Variants in CHIC1 observed in about 807,000 individuals in gnomAD.
CHIC1 encodes the protein cysteine-rich hydrophobic domain-containing protein 1.
CHIC1 carries 7 observed loss-of-function variants against 18.5 expected under a neutral mutation model. The ratio of observed to expected loss-of-function variants is 0.38; its 90% CI spans 0.22 to 0.71. The LOEUF is 0.71. Among genes scored for constraint, CHIC1 ranks in the 30% least tolerant of loss-of-function variants. CHIC1 has a pLI of 0.49. For missense variants in CHIC1, 159 were observed against 176.9 expected, an observed-to-expected ratio of 0.90 and a Z score of 0.57; for synonymous variants, 77 against 73.5, an observed-to-expected ratio of 1.05 and a Z score of -0.25.
rs1194559148 is a variant in CHIC1 at position 73,679,697 on chromosome X, G to A, written c.608G>A (p.Ser203Asn). 9.1e-7 allele frequency: 1 copy of A among 1,093,475 alleles called. No individual in the cohort carries two copies. Among genetic ancestry groups the A allele is most frequent in the Non-Finnish European group, 1.2e-6 (1 of 818,591 alleles). 90.1% of individuals were successfully genotyped at this position (1,093,475 alleles called of 1,213,427 possible). The change falls in exon 5 of 6, where the codon AGC (serine) becomes AAC (asparagine). Residue 203 changes from serine (S) to asparagine (N), a missense_variant. Ser to Asn is a conservative substitution (Grantham distance 46, BLOSUM62 1). Coordinates refer to ENST00000373502, the MANE Select transcript of CHIC1 (RefSeq NM_001039840.4). ...TTGACTAAGAGGAAATGTGAAACTA[G>A]CAATATGATGGAGTATGTAAGTATG... ...WKLTKRKCET[S>N]NMMEYVILIE...
chrX:73,563,156 G>GT (rs1374862982), upstream of CHIC1: 1 of 208,414 alleles, frequency 4.8e-6, no homozygotes, highest in Non-Finnish European at 5.9e-6. Flanking sequence ...CCAACACGCA[G>GT]GCGCGTCTCC....
At chrX:73,653,993 CA>C (rs1376885353) in intron 3 of CHIC1, among the ~76,000 whole-genome samples, 1 of 112,226 alleles carries the variant, frequency 8.9e-6, no homozygotes, top group Non-Finnish European at 1.9e-5. Context: ...GCAAATAGGA[CA>C]ATTTTAGTTC....
intron 3 of CHIC1, among the ~76,000 whole-genome samples, chrX:73,653,890 T>C (rs971799622): frequency 8.9e-6 from 1 of 112,691 alleles, no homozygotes; most frequent in African/African-American, 3.2e-5. Flanking sequence ...GCTACTGACA[T>C]TCATGTGTTG....
Position 73,655,809 on chromosome X carries a change from T to A in CHIC1, c.508-23517T>A, listed in dbSNP as rs760995542. 8.2e-5 allele frequency among the ~76,000 whole-genome samples: 9 copies of A among 109,476 alleles called. No homozygotes were observed. In the Admixed American group the frequency reaches 8.8e-4, roughly 11 times the overall value. On this transcript the variant is annotated intron_variant, in intron 3 of 5. Transcript: ENST00000373502. ...TATCTTTATAATAGAATGATTTATA[T>A]TCCTTTGGTATATTCCCAGCAATGG...
At chrX:73,677,147 G>C (rs68013756) in intron 3 of CHIC1, among the ~76,000 whole-genome samples, 5,659 of 111,616 alleles carry the variant, frequency 0.051, 365 homozygotes, top group African/African-American at 0.17. Flanking sequence ...CCCCTACTGG[G>C]GTGTGCCTCC....
At chrX:73,594,175 T>C (rs748008389) in intron 3 of CHIC1, among the ~76,000 whole-genome samples, 4 of 110,300 alleles carry the variant, frequency 3.6e-5, no homozygotes, top group Non-Finnish European at 7.6e-5. Context: ...TGTTTTGTTT[T>C]GTTTTGTTTT....
chrX:73,625,492 G>T (rs1009536248), intron 3 of CHIC1, among the ~76,000 whole-genome samples: 27 of 111,366 alleles, frequency 2.4e-4, no homozygotes, highest in Non-Finnish European at 2.1e-4. Flanking sequence ...TTAATCAAAA[G>T]TTCAGGCAGC....
intron 3 of CHIC1, among the ~76,000 whole-genome samples, chrX:73,653,795 A>G (rs2057929357): frequency 8.9e-6 from 1 of 111,970 alleles, no homozygotes; most frequent in African/African-American, 3.2e-5. Flanking sequence ...GAGTAAATCT[A>G]TTCCTAAAAA....
At chrX:73,627,219 CT>C (rs1239324150) in intron 3 of CHIC1, among the ~76,000 whole-genome samples, 1 of 111,863 alleles carries the variant, frequency 8.9e-6, no homozygotes, top group Non-Finnish European at 1.9e-5. Flanking sequence ...ATAAGCACCC[CT>C]GTGGCCACCA....
At chrX:73,638,804 T>C (rs1025324118) in intron 3 of CHIC1, among the ~76,000 whole-genome samples, 2 of 111,604 alleles carry the variant, frequency 1.8e-5, no homozygotes, top group Admixed American at 1.9e-4. Context: ...CCTGTGTTAG[T>C]TTGCTTAGGA....
chrX:73,597,504 T>C (rs942605156), intron 3 of CHIC1, among the ~76,000 whole-genome samples: 1 of 108,862 alleles, frequency 9.2e-6, no homozygotes, highest in Non-Finnish European at 1.9e-5. Flanking sequence ...ATTAAACTAG[T>C]TTTCTTTTCT....
intron 3 of CHIC1, among the ~76,000 whole-genome samples, chrX:73,603,516 G>A (rs2057662662): frequency 9.3e-6 from 1 of 107,795 alleles, no homozygotes; most frequent in Non-Finnish European, 1.9e-5. Flanking sequence ...TGATTGCCCT[G>A]GCCAGAATTT....
chrX:73,647,846 C>A (rs542678194), intron 3 of CHIC1, among the ~76,000 whole-genome samples: 1 of 112,197 alleles, frequency 8.9e-6, no homozygotes. Context: ...GAGGTACATC[C>A]CCTCCACCAA....
rs767637443 is a variant in CHIC1, at chrX:73,576,289, A to G, written c.297-1118A>G. 6.3e-5 allele frequency among the ~76,000 whole-genome samples: 7 copies of G among 110,856 alleles called. No homozygotes were observed. In the East Asian group the frequency reaches 2.0e-3, roughly 31 times the overall value. On this transcript the variant is annotated intron_variant, in intron 1 of 5. Transcript: ENST00000373502. ...TAACGGTCATTTGTTATCATCATGT[A>G]TTATGTATTGTATGTAATTATATGT...
chrX:73,661,215 A>T (rs977653656), intron 3 of CHIC1, among the ~76,000 whole-genome samples: 1 of 112,291 alleles, frequency 8.9e-6, no homozygotes, highest in Non-Finnish European at 1.9e-5. Flanking sequence ...ATGTTTAATG[A>T]CGTGTCAGGT....
At chrX:73,587,377 C>A (rs1217588451) in intron 3 of CHIC1, among the ~76,000 whole-genome samples, 1 of 111,674 alleles carries the variant, frequency 9.0e-6, no homozygotes, top group Non-Finnish European at 1.9e-5. Context: ...TTTTCATTTA[C>A]TTGTTCTTCT....
At chrX:73,630,175 A>G (rs1255445679) in intron 3 of CHIC1, among the ~76,000 whole-genome samples, 1 of 111,791 alleles carries the variant, frequency 8.9e-6, no homozygotes, top group Non-Finnish European at 1.9e-5. Context: ...AGGATTTTCT[A>G]TATATAGAAT....
intron 3 of CHIC1, among the ~76,000 whole-genome samples, chrX:73,602,844 A>C (rs1427764643): frequency 1.8e-5 from 2 of 108,387 alleles, no homozygotes; most frequent in Non-Finnish European, 3.8e-5. Context: ...GTGTTTATTT[A>C]TAAGGCTTCT....
chrX:73,676,287 A>G (rs1330445473), intron 3 of CHIC1, among the ~76,000 whole-genome samples: 3 of 111,750 alleles, frequency 2.7e-5, no homozygotes, highest in African/African-American at 9.8e-5. Context: ...CTACCTTGCT[A>G]GATTGGAGAA....
Sources: gnomAD v4.1 joint callset for allele counts (sites outside exome capture counted in the v4.1 genomes callset) on GRCh38, gnomAD v4.1.1 for gene constraint, MANE v1.5 for transcripts, NCBI Gene and HGNC (gene_info 2026-07-23, HGNC 2026-07-21) for gene names.